GALNT13: variants seen among roughly 807,000 people sequenced by gnomAD.
GALNT13 encodes UDP-GalNAc:polypeptide N-acetylgalactosaminyltransferase 13.
Under a neutral mutation model 64.2 loss-of-function variants are expected in GALNT13, and 28 were observed. The observed-to-expected ratio is 0.44, with a 90% CI of 0.32 to 0.60. GALNT13 has a LOEUF of 0.60. Among genes scored for constraint, GALNT13 ranks in the 20% least tolerant of loss-of-function variants. The pLI is 0.05. For synonymous variants in GALNT13, 214 were observed against 224.6 expected (o/e 0.95, Z 0.42); for missense variants, 577 against 669.8 (o/e 0.86, Z 1.53).
chr2:154,335,577 G>A (rs1014090542), intron 9 of GALNT13, among the ~76,000 whole-genome samples: 4 of 151,844 alleles, frequency 2.6e-5, no homozygotes, highest in Admixed American at 2.0e-4. Context: ...TAGACTCCTG[G>A]GACCCTTCTC....
the GALNT13 span, among the ~76,000 whole-genome samples, chr2:153,215,549 G>A: frequency 2.6e-5 from 4 of 152,052 alleles, no homozygotes; most frequent in South Asian, 4.1e-4. Flanking sequence ...TTACTTGATC[G>A]TGGATGAAAC....
the GALNT13 span, among the ~76,000 whole-genome samples, chr2:153,850,865 A>T: frequency 6.6e-6 from 1 of 152,312 alleles, no homozygotes; most frequent in South Asian, 2.1e-4. Flanking sequence ...TAAAAGGGTA[A>T]GAAAACTGAA....
the GALNT13 span, among the ~76,000 whole-genome samples, chr2:153,531,538 C>T: frequency 6.6e-6 from 1 of 152,166 alleles, no homozygotes; most frequent in African/African-American, 2.4e-5. Flanking sequence ...AACCATACCA[C>T]TCTGCTCCCA....
chr2:154,234,579 C>G (rs987905726), intron 4 of GALNT13, among the ~76,000 whole-genome samples: 4 of 152,100 alleles, frequency 2.6e-5, no homozygotes, highest in African/African-American at 9.7e-5. Flanking sequence ...TTTTCATATA[C>G]TCTTTCCCTT....
chr2:153,873,828 C>T (rs1175709749), intron 1 of GALNT13, among the ~76,000 whole-genome samples: 3 of 151,624 alleles, frequency 2.0e-5, no homozygotes, highest in Non-Finnish European at 4.4e-5. Flanking sequence ...CTCTCTCTTT[C>T]TCTCTCTCTC....
the GALNT13 span, among the ~76,000 whole-genome samples, chr2:153,635,071 G>T: frequency 3.3e-5 from 5 of 152,088 alleles, no homozygotes; most frequent in South Asian, 1.0e-3. Flanking sequence ...AACTACTTTA[G>T]AGGAAATTTG....
At chr2:153,438,989 T>C in the GALNT13 span, among the ~76,000 whole-genome samples, 1 of 152,150 alleles carries the variant, frequency 6.6e-6, no homozygotes, top group Non-Finnish European at 1.5e-5. Flanking sequence ...GACGTACAGA[T>C]GCGTTTTTGG....
the GALNT13 span, among the ~76,000 whole-genome samples, chr2:153,100,840 C>G: frequency 6.6e-6 from 1 of 152,070 alleles, no homozygotes; most frequent in African/African-American, 2.4e-5. Flanking sequence ...ACCAACCTGG[C>G]CAACATGGTG....
At chr2:154,020,410 T>C (rs1421722531) in intron 3 of GALNT13, among the ~76,000 whole-genome samples, 7 of 152,234 alleles carry the variant, frequency 4.6e-5, no homozygotes, top group African/African-American at 1.7e-4. Context: ...TGTGAGATGG[T>C]ATCTCATTGT....
At chr2:153,720,473 C>T in the GALNT13 span, among the ~76,000 whole-genome samples, 13 of 148,976 alleles carry the variant, frequency 8.7e-5, no homozygotes, top group South Asian at 4.3e-4. Flanking sequence ...AGGATTTTGA[C>T]GAGCTGAGAG....
At chr2:153,681,903 T>C in the GALNT13 span, among the ~76,000 whole-genome samples, 5 of 151,782 alleles carry the variant, frequency 3.3e-5, no homozygotes, top group Non-Finnish European at 7.4e-5. Flanking sequence ...ACAAGAAATT[T>C]ACTATCACTC....
At chr2:154,455,650 A>G (rs1488155939), downstream of GALNT13, among the ~76,000 whole-genome samples, 1 of 152,178 alleles carries the variant, frequency 6.6e-6, no homozygotes, top group African/African-American at 2.4e-5. Context: ...TCGAACTGCT[A>G]CTAAATATCA....
chr2:153,093,533 G>T, the GALNT13 span, among the ~76,000 whole-genome samples: 1 of 152,068 alleles, frequency 6.6e-6, no homozygotes, highest in South Asian at 2.1e-4. Context: ...GCCACCGTGT[G>T]TGGCTGATGA....
chr2:153,463,085 C>T, the GALNT13 span, among the ~76,000 whole-genome samples: 7 of 152,020 alleles, frequency 4.6e-5, no homozygotes, highest in Admixed American at 3.9e-4. Context: ...GAATTTCTTC[C>T]ACATAAAATC....
intron 11 of GALNT13, among the ~76,000 whole-genome samples, chr2:154,422,432 TGTG>T (rs1464042228): frequency 2.0e-5 from 3 of 152,100 alleles, no homozygotes; most frequent in Non-Finnish European, 4.4e-5. Context: ...TGAAGCTACA[TGTG>T]GTGTATACAG....
chr2:153,189,236 C>T, the GALNT13 span, among the ~76,000 whole-genome samples: 1 of 152,138 alleles, frequency 6.6e-6, no homozygotes, highest in Non-Finnish European at 1.5e-5. Context: ...AAACCCACAC[C>T]TTTCCCAGCA....
the GALNT13 span, among the ~76,000 whole-genome samples, chr2:153,129,132 A>G: frequency 6.6e-6 from 1 of 152,188 alleles, no homozygotes; most frequent in Non-Finnish European, 1.5e-5. Context: ...TAGCCTGCAT[A>G]GTCATTTCTT....
chr2:153,776,994 G>A, the GALNT13 span, among the ~76,000 whole-genome samples: 8 of 152,132 alleles, frequency 5.3e-5, no homozygotes, highest in African/African-American at 1.2e-4. Context: ...GCTCGTTCTG[G>A]ATGAACTAAA....
At chr2:154,440,711 A>G (rs996962245) in intron 12 of GALNT13, among the ~76,000 whole-genome samples, 1 of 152,100 alleles carries the variant, frequency 6.6e-6, no homozygotes, top group African/African-American at 2.4e-5. Context: ...TATGTTTTCA[A>G]AATTAACTAG....
Sources: allele counts gnomAD v4.1 joint callset (sites outside exome capture counted in the v4.1 genomes callset), GRCh38; gene constraint gnomAD v4.1.1; transcripts MANE v1.5; gene names NCBI Gene and HGNC (gene_info 2026-07-23, HGNC 2026-07-21).